ARID2: variants seen among roughly 807,000 people sequenced by gnomAD.
ARID2 encodes the protein AT-rich interaction domain 2.
ARID2 carries 32 observed loss-of-function variants against 184.6 expected under a neutral mutation model. The ratio of observed to expected loss-of-function variants is 0.17; its 90% CI spans 0.13 to 0.23. ARID2 has a LOEUF of 0.23. Ranked by LOEUF, ARID2 falls within the 10% of genes least tolerant of loss-of-function variation. The probability of loss-of-function intolerance (pLI) is 1.00; values close to 1 mark genes in which losing one functional copy is unlikely to be tolerated. For synonymous variants in ARID2, 836 were observed against 772.6 expected, an observed-to-expected ratio of 1.08 and a Z score of -1.36; for missense variants, 1,696 against 2,197.6, an observed-to-expected ratio of 0.77 and a Z score of 4.56.
intron 3 of ARID2, among the ~76,000 whole-genome samples, chr12:45,800,171 A>G (rs1000411360): frequency 1.3e-5 from 2 of 152,184 alleles, no homozygotes; most frequent in South Asian, 4.1e-4. Context: ...CGTACTGAAA[A>G]TAGACTCATA....
At position 45,775,071 on chromosome 12, in the gene ARID2, A is replaced by G. The variant is rs1375060474; in HGVS notation, c.285-36347A>G. 9.9e-5 allele frequency among the ~76,000 whole-genome samples: 15 copies of G among 152,090 alleles called. 1 individual carries two copies. The highest frequency in any genetic ancestry group is 9.8e-4 in the Admixed American group (15 of 15,268). ...CATAAAGAAGAATTATCCAGCCTGAAATGTTAATAGTGCTGAGGATGAGAA... is the reference window on the plus strand; with the variant it reads ...CATAAAGAAGAATTATCCAGCCTGAGATGTTAATAGTGCTGAGGATGAGAA... On this transcript the variant is annotated intron_variant, in intron 3 of 20. Transcript: ENST00000334344.
chr12:45,753,155 C>T (rs1246351735), intron 3 of ARID2, among the ~76,000 whole-genome samples: 3 of 151,878 alleles, frequency 2.0e-5, no homozygotes, highest in Admixed American at 6.6e-5. Context: ...CCCAGCTACT[C>T]GGGAGGCTGA....
chr12:45,893,775 A>G (rs1002536702), intron 20 of ARID2, 54 bp downstream of exon 20: 5 of 1,334,120 alleles, frequency 3.7e-6, no homozygotes, highest in East Asian at 5.0e-5. Context: ...TTATTTTTAC[A>G]TATAAGTTAA....
intron 16 of ARID2, among the ~76,000 whole-genome samples, chr12:45,869,986 A>AT (rs373618781): frequency 5.9e-5 from 9 of 151,334 alleles, no homozygotes; most frequent in African/African-American, 1.7e-4. Context: ...CTAATAAACC[A>AT]TTTTTTTTGT....
intron 5 of ARID2, among the ~76,000 whole-genome samples, 171 bp from the exon 6 acceptor site, chr12:45,821,249 A>G (rs145006135): frequency 6.6e-6 from 1 of 152,168 alleles, no homozygotes; most frequent in Non-Finnish European, 1.5e-5. Flanking sequence ...ATCTAAAAAC[A>G]ATGTATTTCA....
intron 6 of ARID2, among the ~76,000 whole-genome samples, chr12:45,824,839 AG>A (rs1942963162): frequency 6.6e-6 from 1 of 150,644 alleles, no homozygotes; most frequent in Non-Finnish European, 1.5e-5. Context: ...ATCCAGTAAC[AG>A]GTGAATGAAT....
At position 45,796,502 on chromosome 12, in the gene ARID2, GTTTATTTTAT is replaced by G. The variant is rs1226311305; in HGVS notation, c.285-14897_285-14888del. Among the ~76,000 whole-genome samples the G allele has an allele frequency of 2.0e-5, 3 of 151,742 alleles. No individual in the cohort carries two copies. The South Asian group carries it at 6.2e-4, about 31-fold the overall frequency. Reference sequence around the variant, plus strand: ...CTTTGAATGAATCTGTGAATAACATGTTTATTTTATTTTATTTTATTTTATTTTGGAGATG... The same window carrying G: ...CTTTGAATGAATCTGTGAATAACATGTTTATTTTATTTTATTTTGGAGATG... On this transcript the variant is annotated intron_variant, in intron 3 of 20. Transcript: ENST00000334344.
chr12:45,736,964 T>G (rs758988909), intron 3 of ARID2, among the ~76,000 whole-genome samples: 3 of 152,242 alleles, frequency 2.0e-5, no homozygotes, highest in Non-Finnish European at 4.4e-5. Flanking sequence ...CTGCAATTAC[T>G]TGTGCACCAA....
Position 45,906,663 on chromosome 12 carries a change from A to C in ARID2, c.*1585A>C, listed in dbSNP as rs1944534074. ...ATTTGATTATATGTTGATTGATAAC[A>C]TATTAAATAGAGAACAAATAAGAGA... On this transcript the variant is annotated 3_prime_UTR_variant, in exon 21 of 21. Transcript: ENST00000334344. 2 of 232,138 alleles carry C rather than the reference A, an allele frequency of 8.6e-6. No homozygotes were observed. Among genetic ancestry groups the C allele is most frequent in the Admixed American group, 5.6e-5 (1 of 17,750 alleles). The allele number at this position is 232,138 out of a possible 1,614,324, so 14.4% of individuals were successfully genotyped here. A position where few individuals can be genotyped will look rare whatever the true frequency, so the allele number is the denominator to read the frequency against.
At chr12:45,901,997 C>T (rs1944466447) in intron 20 of ARID2, among the ~76,000 whole-genome samples, 1 of 151,984 alleles carries the variant, frequency 6.6e-6, no homozygotes, top group Non-Finnish European at 1.5e-5. Context: ...TTTCTTTTAC[C>T]CTTCGTACTG....
intron 3 of ARID2, among the ~76,000 whole-genome samples, chr12:45,802,757 A>G (rs533355680): frequency 7.9e-5 from 12 of 152,284 alleles, no homozygotes; most frequent in African/African-American, 2.9e-4. Flanking sequence ...TCGTGAGTCA[A>G]TTCATTATGT....
At chr12:45,794,333 AT>A (rs1426377777) in intron 3 of ARID2, among the ~76,000 whole-genome samples, 2 of 152,156 alleles carry the variant, frequency 1.3e-5, no homozygotes, top group Non-Finnish European at 2.9e-5. Flanking sequence ...TCAGCGTATG[AT>A]TTTTTCTTGT....
chr12:45,781,292 C>T (rs541718950), intron 3 of ARID2, among the ~76,000 whole-genome samples: 1 of 146,698 alleles, frequency 6.8e-6, no homozygotes, highest in Non-Finnish European at 1.5e-5. Flanking sequence ...CAAAGTTTGA[C>T]TAGGGAGGAG....
chr12:45,780,675 A>G (rs919027582), intron 3 of ARID2, among the ~76,000 whole-genome samples: 4 of 151,962 alleles, frequency 2.6e-5, no homozygotes, highest in East Asian at 3.9e-4. Context: ...CTGGGGTGCA[A>G]TGGCGTGATC....
chr12:45,764,052 G>C (rs539729532), intron 3 of ARID2, among the ~76,000 whole-genome samples: 1 of 152,154 alleles, frequency 6.6e-6, no homozygotes, highest in African/African-American at 2.4e-5. Context: ...TCCTTAAGCA[G>C]TTTATGTGAT....
intron 16 of ARID2, among the ~76,000 whole-genome samples, chr12:45,867,947 A>G (rs1239326677): frequency 6.6e-6 from 1 of 152,122 alleles, no homozygotes; most frequent in Non-Finnish European, 1.5e-5. Context: ...ATTACAGTAT[A>G]CAGAATAGTT....
At chr12:45,738,462 G>T (rs1941174909) in intron 3 of ARID2, among the ~76,000 whole-genome samples, 1 of 151,950 alleles carries the variant, frequency 6.6e-6, no homozygotes, top group East Asian at 1.9e-4. Context: ...TTACAGGCGT[G>T]TGCCACCATA....
At chr12:45,755,764 CT>C (rs1187301375) in intron 3 of ARID2, among the ~76,000 whole-genome samples, 1 of 152,100 alleles carries the variant, frequency 6.6e-6, no homozygotes, top group African/African-American at 2.4e-5. Context: ...GCACTTCTCT[CT>C]GAATAATTTG....
Position 45,869,450 on chromosome 12 carries a change from G to A in ARID2, c.4922+8501G>A, listed in dbSNP as rs114984813. Among the ~76,000 whole-genome samples the A allele has an allele frequency of 3.3e-3, 501 of 150,982 alleles. 5 individuals carry two copies. Among genetic ancestry groups the A allele is most frequent in the African/African-American group, 0.012 (483 of 41,046 alleles). On this transcript the variant is annotated intron_variant, in intron 16 of 20. Transcript: ENST00000334344. ...CAATAGAGCTTCTTGACTTTTCTTC[G>A]CATGAATTTTGTACTTTATTAAGTT...
Sources: allele counts gnomAD v4.1 joint callset (sites outside exome capture counted in the v4.1 genomes callset), GRCh38; gene constraint gnomAD v4.1.1; transcripts MANE v1.5; gene names NCBI Gene and HGNC (gene_info 2026-07-23, HGNC 2026-07-21).